The following PDE1A variants were observed in gnomAD, a reference collection of about 807,000 sequenced individuals.
PDE1A encodes dual specificity calcium/calmodulin-dependent 3',5'-cyclic nucleotide phosphodiesterase 1A.
A neutral mutation model predicts 61.7 loss-of-function variants in PDE1A; 35 were observed. That is an observed-to-expected ratio of 0.57 (90% confidence interval 0.43 to 0.75). The LOEUF is 0.75. Ranked by LOEUF, PDE1A falls within the 30% of genes least tolerant of loss-of-function variation. PDE1A has a pLI of 0.00. For synonymous variants in PDE1A, 232 were observed against 213.2 expected (o/e 1.09, Z -0.77); for missense variants, 597 against 630.6 (o/e 0.95, Z 0.57).
the PDE1A span, among the ~76,000 whole-genome samples, chr2:182,631,655 G>A: frequency 1.3e-5 from 2 of 152,190 alleles, no homozygotes; most frequent in Non-Finnish European, 2.9e-5. Flanking sequence ...CATATGATAG[G>A]ATACTATATA....
chr2:182,422,316 A>G (rs901058430), intron 1 of PDE1A, among the ~76,000 whole-genome samples: 20 of 152,232 alleles, frequency 1.3e-4, no homozygotes, highest in African/African-American at 4.6e-4. Context: ...AATCATTTCA[A>G]TTTACTTTTT....
At chr2:182,557,722 TAATAAAATAAAAATAAATA>T in the PDE1A span, among the ~76,000 whole-genome samples, 1 of 151,604 alleles carries the variant, frequency 6.6e-6, no homozygotes, top group Admixed American at 6.6e-5. Context: ...AAAAAAATAA[TAATAAAATAAAAATAAATA>T]AATAAAATAA....
intron 2 of PDE1A, among the ~76,000 whole-genome samples, chr2:182,259,714 TAAAC>T (rs1296994606): frequency 6.6e-6 from 1 of 152,224 alleles, no homozygotes; most frequent in African/African-American, 2.4e-5. Flanking sequence ...TGGTTCATGT[TAAAC>T]AAAGAAAGTT....
chr2:182,268,923 G>T (rs1261246807), intron 1 of PDE1A, among the ~76,000 whole-genome samples: 1 of 151,640 alleles, frequency 6.6e-6, no homozygotes, highest in Non-Finnish European at 1.5e-5. Context: ...TTCCCCAACT[G>T]GTCTCTCAGC....
intron 1 of PDE1A, among the ~76,000 whole-genome samples, chr2:182,425,279 T>A (rs545578798): frequency 1.3e-5 from 2 of 152,320 alleles, no homozygotes; most frequent in South Asian, 4.1e-4. Flanking sequence ...TGGGCAACTA[T>A]CATACCTTTT....
At chr2:182,365,460 A>G (rs935087182) in intron 1 of PDE1A, among the ~76,000 whole-genome samples, 4 of 152,036 alleles carry the variant, frequency 2.6e-5, no homozygotes, top group African/African-American at 9.7e-5. Context: ...TGTTAAATAC[A>G]TATTACAAAG....
chr2:182,571,766 T>G, the PDE1A span, among the ~76,000 whole-genome samples: 1 of 152,148 alleles, frequency 6.6e-6, no homozygotes, highest in South Asian at 2.1e-4. Flanking sequence ...CAAATAACTT[T>G]CAGGTCTCCG....
At chr2:182,465,171 A>T (rs1686572794) in intron 2 of PDE1A, among the ~76,000 whole-genome samples, 1 of 152,168 alleles carries the variant, frequency 6.6e-6, no homozygotes, top group Admixed American at 6.6e-5. Context: ...TGCAGTAATA[A>T]TAATTTAATG....
intron 2 of PDE1A, among the ~76,000 whole-genome samples, chr2:182,446,295 T>C (rs557116137): frequency 6.6e-6 from 1 of 152,202 alleles, no homozygotes. Flanking sequence ...TAGAACAGCA[T>C]ACCAGTGAAG....
intron 3 of PDE1A, 125 bp from the exon 4 acceptor site, chr2:182,234,623 C>T: frequency 3.2e-6 from 2 of 617,936 alleles, no homozygotes; most frequent in Non-Finnish European, 5.8e-6. Context: ...TACAGACTCC[C>T]TTTGTGTCAA....
intron 2 of PDE1A, among the ~76,000 whole-genome samples, chr2:182,240,608 C>G (rs1574117570): frequency 6.6e-6 from 1 of 151,868 alleles, no homozygotes; most frequent in African/African-American, 2.4e-5. Context: ...ATGAATAAAA[C>G]TAAGGAAAGA....
chr2:182,237,420 G>A (rs930474404), intron 3 of PDE1A, among the ~76,000 whole-genome samples: 5 of 152,122 alleles, frequency 3.3e-5, no homozygotes, highest in Non-Finnish European at 7.3e-5. Context: ...GGAGGTTGCA[G>A]TAAACGGAGA....
chr2:182,176,005 C>T (rs1457735704), intron 13 of PDE1A, among the ~76,000 whole-genome samples: 2 of 147,614 alleles, frequency 1.4e-5, no homozygotes, highest in African/African-American at 2.6e-5. Flanking sequence ...AGATATGCGG[C>T]GTTATTTCTG....
intron 2 of PDE1A, among the ~76,000 whole-genome samples, chr2:182,442,537 TA>T (rs1684859565): frequency 6.6e-6 from 1 of 152,094 alleles, no homozygotes; most frequent in Admixed American, 6.6e-5. Context: ...AAATGTGTGA[TA>T]AAAATTATAT....
chr2:182,380,923 A>T (rs538960514), intron 1 of PDE1A, among the ~76,000 whole-genome samples: 2 of 152,334 alleles, frequency 1.3e-5, no homozygotes, highest in East Asian at 3.9e-4. Context: ...CCTAGAAATG[A>T]GAAGTCAGAT....
At chr2:182,396,255 A>G (rs952609359) in intron 1 of PDE1A, among the ~76,000 whole-genome samples, 1 of 152,230 alleles carries the variant, frequency 6.6e-6, no homozygotes, top group African/African-American at 2.4e-5. Context: ...GTCCTTTCCT[A>G]GGACATCCCT....
chr2:182,523,970 A>T (rs1559541790), upstream of PDE1A, among the ~76,000 whole-genome samples: 1 of 152,168 alleles, frequency 6.6e-6, no homozygotes, highest in Non-Finnish European at 1.5e-5. Context: ...TAAGAGGGTA[A>T]ATCAAGTGAG....
At chr2:182,386,079 G>A (rs192553787) in intron 1 of PDE1A, among the ~76,000 whole-genome samples, 15 of 152,286 alleles carry the variant, frequency 9.8e-5, no homozygotes, top group African/African-American at 3.1e-4. Context: ...GGTCCTAACC[G>A]CGAGTGATCC....
intron 2 of PDE1A, among the ~76,000 whole-genome samples, chr2:182,446,797 T>C (rs558441438): frequency 3.3e-5 from 5 of 152,148 alleles, no homozygotes; most frequent in African/African-American, 9.6e-5. Context: ...CCTGCTTTGA[T>C]TAGAATCCCA....
Sources: gnomAD v4.1 joint callset for allele counts (sites outside exome capture counted in the v4.1 genomes callset) on GRCh38, gnomAD v4.1.1 for gene constraint, MANE v1.5 for transcripts, NCBI Gene and HGNC (gene_info 2026-07-23, HGNC 2026-07-21) for gene names.